The following CARD10 variants were observed in gnomAD, a reference collection of about 807,000 sequenced individuals.
CARD10 encodes caspase recruitment domain-containing protein 10.
In CARD10, 49 loss-of-function variants were observed where a neutral mutation model predicts 114.6. That is an observed-to-expected ratio of 0.43 (90% CI 0.34 to 0.54). The LOEUF is 0.54. Among genes scored for constraint, CARD10 ranks in the 20% least tolerant of loss-of-function variants. The probability of loss-of-function intolerance (pLI) is 0.03; values close to 1 mark genes in which losing one functional copy is unlikely to be tolerated. For synonymous variants in CARD10, 602 were observed against 593.2 expected (o/e 1.01, Z -0.21); for missense variants, 1,206 against 1,397.2 (o/e 0.86, Z 2.18).
chr22:37,490,820 T>G lies in CARD10; in HGVS notation c.*339A>C. 3.5e-6 allele frequency: 1 copy of G among 288,448 alleles called. No homozygotes were observed. Among genetic ancestry groups the G allele is most frequent in the Non-Finnish European group, 6.5e-6 (1 of 153,676 alleles). 17.9% of individuals were successfully genotyped at this position (288,448 alleles called of 1,614,324 possible). A position where few individuals can be genotyped will look rare whatever the true frequency, so the allele number is the denominator to read the frequency against. On this transcript the variant is annotated 3_prime_UTR_variant, in exon 20 of 20. Coordinates refer to ENST00000251973, the MANE Select transcript of CARD10 (RefSeq NM_014550.4). ...AGACCTGAGCCTGCCCATGAGAACT[T>G]GAGTGTGCAAACCTGCGCACAGGTG...
At position 37,504,243 on chromosome 22, in the gene CARD10, G is replaced by T. The variant is rs746331330; in HGVS notation, c.1577C>A (p.Pro526His). The change falls in exon 9 of 20, where the codon CCC (proline) becomes CAC (histidine). Residue 526 changes from proline (P) to histidine (H), a missense_variant. Physicochemically the swap from Pro to His is moderately conservative, Grantham distance 77 (BLOSUM62 -2). Coordinates refer to ENST00000251973, the MANE Select transcript of CARD10 (RefSeq NM_014550.4). ...INRLSILPFP[P>H]SAGSILRRQR... Reference sequence around the variant, plus strand: ...CCGGCGGAGGATGGAGCCGGCACTGGGGGGGAAGGGCAGGATGGAGAGCCG... The same window carrying T: ...CCGGCGGAGGATGGAGCCGGCACTGTGGGGGAAGGGCAGGATGGAGAGCCG... The T allele has an allele frequency of 3.8e-6, 6 of 1,580,716 alleles. No individual in the cohort carries two copies. Among genetic ancestry groups the T allele is most frequent in the Admixed American group, 3.6e-5 (2 of 55,372 alleles).
At chr22:37,508,834 T>C (rs1461385765) in intron 4 of CARD10, 152 bp from the exon 5 acceptor site, 2 of 1,212,922 alleles carry the variant, frequency 1.6e-6, no homozygotes, top group East Asian at 5.2e-5. Flanking sequence ...TGGATCTCTG[T>C]CTCCCCATCG....
Position 37,508,662 on chromosome 22 carries a change from G to A in CARD10, c.930C>T (p.Ala310=), listed in dbSNP as rs542935070. The stretch of plus-strand genomic sequence containing the variant: ...CCAGCAGGATGCGCTCGGAGCCCGG[G>A]GCCCCCGGCCGGCTCGCCTCCTGGG... ...GLQQEASRPG[A]PGSERILLDI... is the part of the protein sequence containing the mutation. Residue 310 remains alanine, a synonymous_variant, in exon 5 of 20, where the codon GCC becomes GCT. Transcript: ENST00000251973. 1 of 1,571,880 alleles carries A rather than the reference G, an allele frequency of 6.4e-7. No individual in the cohort carries two copies. The highest frequency in any genetic ancestry group is 8.6e-7 in the Non-Finnish European group (1 of 1,162,848).
At chr22:37,499,873 G>A (rs1042418285) in intron 11 of CARD10, among the ~76,000 whole-genome samples, 22 of 152,040 alleles carry the variant, frequency 1.4e-4, no homozygotes, top group South Asian at 6.2e-4. Flanking sequence ...CCTGCTCCCC[G>A]CTCCTGGGAC....
intron 4 of CARD10, chr22:37,509,026 G>A: frequency 6.5e-7 from 1 of 1,550,146 alleles, no homozygotes. Context: ...GCAGCAGACG[G>A]AGGCCATTCC....
At chr22:37,506,459 T>G in intron 6 of CARD10, 76 bp from the exon 7 acceptor site, 1 of 1,150,964 alleles carries the variant, frequency 8.7e-7, no homozygotes, top group Admixed American at 2.4e-5. Flanking sequence ...ACTTGGAGAA[T>G]GGGGACAGTA....
rs753598600 is a variant in CARD10, at chr22:37,491,345, C to T, written c.2913G>A (p.Gln971=). The T allele has an allele frequency of 2.2e-5, 34 of 1,541,496 alleles. No individual in the cohort carries two copies. The Middle Eastern group carries it at 8.6e-4, about 39-fold the overall frequency. Residue 971 remains glutamine (Q), a synonymous_variant, in exon 20 of 20, where the codon CAG becomes CAA. Transcript: ENST00000251973. ...PGWRDSELLR[Q]CRGSEQVLWG... is the part of the protein sequence containing the mutation. ...AGAGCACCTGCTCTGAGCCACGGCA[C>T]TGCCGCAGCAGCTCTGAGTCCCGCC...
intron 9 of CARD10, 80 bp downstream of exon 9, chr22:37,504,106 T>G: frequency 1.0e-6 from 1 of 1,000,966 alleles, no homozygotes; most frequent in East Asian, 2.6e-5. Flanking sequence ...ACTTTGGCAT[T>G]GCAGATTCTG....
rs1163007887 is a variant in CARD10 at position 37,516,061 on chromosome 22, T to C, written c.611A>G (p.Asp204Gly). The C allele has an allele frequency of 6.2e-7, 1 of 1,601,358 alleles. No homozygotes were observed. The highest frequency in any genetic ancestry group is 8.5e-7 in the Non-Finnish European group (1 of 1,174,596). ...GCGCATGGCGATCATGTAGTTCTCA[T>C]CCTTGAGCCGCAGCAGCTCCAGGCT... The part of the protein sequence containing the change: ...AGSLELLRLK[D>G]ENYMIAMRLA... The change falls in exon 3 of 20, where the codon GAT becomes GGT. Residue 204 changes from aspartate (D) to glycine (G), a missense_variant. Around this residue, in one of 2 missense-constraint regions of CARD10, gnomAD observed 1,068 missense variants for 1,179.1 expected, o/e 0.91. Transcript: ENST00000251973.
chr22:37,499,144 G>A (rs750330231), intron 11 of CARD10, among the ~76,000 whole-genome samples: 12 of 152,146 alleles, frequency 7.9e-5, no homozygotes, highest in Non-Finnish European at 1.6e-4. Flanking sequence ...CATGTGTACC[G>A]GGTTTCTCTC....
chr22:37,516,715 C>A (rs1375563486), intron 2 of CARD10, among the ~76,000 whole-genome samples: 2 of 152,182 alleles, frequency 1.3e-5, no homozygotes, highest in Non-Finnish European at 2.9e-5. Context: ...ATGCACCAAC[C>A]TATCAACAAT....
intron 11 of CARD10, 103 bp downstream of exon 11, chr22:37,502,499 T>C (rs1011626322): frequency 2.3e-6 from 3 of 1,305,850 alleles, no homozygotes; most frequent in Admixed American, 2.2e-5. Flanking sequence ...AATCTTCCAA[T>C]AGTTGCATAA....
chr22:37,493,534 C>A (rs1406209386), intron 16 of CARD10, among the ~76,000 whole-genome samples: 2 of 152,206 alleles, frequency 1.3e-5, no homozygotes, highest in African/African-American at 4.8e-5. Context: ...CCCCAACACC[C>A]TCCAAGCACA....
At position 37,508,648 on chromosome 22, in the gene CARD10, C is replaced by T. The variant is rs768866452; in HGVS notation, c.944G>A (p.Arg315His). The T allele has an allele frequency of 1.6e-5, 26 of 1,580,480 alleles. No individual in the cohort carries two copies. The highest frequency in any genetic ancestry group is 2.3e-5 in the East Asian group (1 of 43,568). ...ATGCTCTAGGATGTCCAGCAGGATG[C>T]GCTCGGAGCCCGGGGCCCCCGGCCG... Reference protein sequence around the residue: ...ASRPGAPGSERILLDILEHDW... With the variant: ...ASRPGAPGSEHILLDILEHDW... Residue 315 changes from arginine (R) to histidine (H), a missense_variant, in exon 5 of 20, where the codon CGC becomes CAC. Around this residue, in one of 2 missense-constraint regions of CARD10, gnomAD observed 1,068 missense variants for 1,179.1 expected, o/e 0.91. Transcript: ENST00000251973.
intron 2 of CARD10, among the ~76,000 whole-genome samples, chr22:37,516,628 C>T (rs1923854804): frequency 6.6e-6 from 1 of 152,144 alleles, no homozygotes; most frequent in African/African-American, 2.4e-5. Context: ...ATAAGATCAA[C>T]AACCAAATAA....
chr22:37,503,568 GCCT>G (rs1430583344), intron 9 of CARD10, among the ~76,000 whole-genome samples: 1 of 151,992 alleles, frequency 6.6e-6, no homozygotes, highest in Non-Finnish European at 1.5e-5. Flanking sequence ...TCCCAGGTAC[GCCT>G]CCTAAATTAA....
rs1022459003 is a variant in CARD10, at chr22:37,519,396, C to G, written c.-196G>C. The G allele has an allele frequency of 8.3e-7, 1 of 1,199,450 alleles. No individual in the cohort carries two copies. Among genetic ancestry groups the G allele is most frequent in the Non-Finnish European group, 1.0e-6 (1 of 967,720 alleles). The allele number at this position is 1,199,450 out of a possible 1,614,324, so 74.3% of individuals were successfully genotyped here. A position where few individuals can be genotyped will look rare whatever the true frequency, so the allele number is the denominator to read the frequency against. On this transcript the variant is annotated 5_prime_UTR_variant, in exon 1 of 20. Coordinates refer to ENST00000251973, the MANE Select transcript of CARD10 (RefSeq NM_014550.4). This position sits in a 1 kb window ranked among gnomAD's most constrained non-coding sequence, Gnocchi z 4.1. ...CGGGTCCGCACTCGGGCGGCGGCTCCGCCGGCGCAGGGGGGCGGTGCCCGT... is the reference window on the plus strand; with the variant it reads ...CGGGTCCGCACTCGGGCGGCGGCTCGGCCGGCGCAGGGGGGCGGTGCCCGT...
Position 37,491,003 on chromosome 22 carries a change from G to T in CARD10, c.*156C>A. 1 of 634,294 alleles carries T rather than the reference G, an allele frequency of 1.6e-6. No individual in the cohort carries two copies. The highest frequency in any genetic ancestry group is 2.0e-5 in the South Asian group (1 of 50,810). 39.3% of individuals were successfully genotyped at this position (634,294 alleles called of 1,614,324 possible). On this transcript the variant is annotated 3_prime_UTR_variant, in exon 20 of 20. Transcript: ENST00000251973. Reference sequence around the variant, plus strand: ...CCCGGGACTCCCATAGGCTCGGCAGGGCCAGAGACAGCCTTGGGGGTGAGA... The same window carrying T: ...CCCGGGACTCCCATAGGCTCGGCAGTGCCAGAGACAGCCTTGGGGGTGAGA...
chr22:37,503,115 CT>C (rs2145762176), intron 10 of CARD10, 69 bp downstream of exon 10: 1 of 1,513,412 alleles, frequency 6.6e-7, no homozygotes, highest in South Asian at 1.2e-5. Flanking sequence ...GTGGTGCAGG[CT>C]TCAGGTGGGC....
Sources: allele counts gnomAD v4.1 joint callset (sites outside exome capture counted in the v4.1 genomes callset), GRCh38; gene constraint gnomAD v4.1.1; regional missense constraint gnomAD v4.1.1; non-coding constraint Gnocchi (gnomAD v3.1); transcripts MANE v1.5; gene names NCBI Gene and HGNC (gene_info 2026-07-23, HGNC 2026-07-21).